LYPD6B: variants seen among roughly 807,000 people sequenced by gnomAD.
LYPD6B encodes ly6/PLAUR domain-containing protein 6B.
Under a neutral mutation model 22.8 loss-of-function variants are expected in LYPD6B, and 17 were observed. The observed-to-expected ratio is 0.75, with a 90% CI of 0.51 to 1.12. The LOEUF is 1.12. LYPD6B is among the 50% of genes most tolerant of loss of function. The pLI is 0.00. For missense variants in LYPD6B, 221 were observed against 258.3 expected, an observed-to-expected ratio of 0.86 and a Z score of 0.99; for synonymous variants, 106 against 91.6, an observed-to-expected ratio of 1.16 and a Z score of -0.90.
chr2:149,178,323 T>C (rs1691465413), intron 3 of LYPD6B, among the ~76,000 whole-genome samples: 2 of 152,234 alleles, frequency 1.3e-5, no homozygotes, highest in African/African-American at 4.8e-5. Context: ...GTTTTCATCT[T>C]TTAGAAATTT....
chr2:149,168,275 C>T (rs1260801028), intron 3 of LYPD6B, among the ~76,000 whole-genome samples: 1 of 149,266 alleles, frequency 6.7e-6, no homozygotes, highest in African/African-American at 2.5e-5. Context: ...GGAAGAGGAG[C>T]TGGGGATGGT....
chr2:149,049,291 C>A (rs1394644619), intron 1 of LYPD6B, among the ~76,000 whole-genome samples: 4 of 152,228 alleles, frequency 2.6e-5, no homozygotes, highest in African/African-American at 9.6e-5. Flanking sequence ...GTGTAACTCA[C>A]TACCTTGCAA....
intron 1 of LYPD6B, among the ~76,000 whole-genome samples, chr2:149,086,764 A>G (rs1685415188): frequency 6.6e-6 from 1 of 152,188 alleles, no homozygotes; most frequent in Non-Finnish European, 1.5e-5. Flanking sequence ...AGGTGATGGC[A>G]GGGTCGGTTT....
At chr2:149,073,785 T>G (rs1684755162) in intron 1 of LYPD6B, among the ~76,000 whole-genome samples, 2 of 151,932 alleles carry the variant, frequency 1.3e-5, no homozygotes, top group South Asian at 4.2e-4. Context: ...CAGCCTGGAT[T>G]TGCCTGTCTC....
chr2:149,066,155 G>C (rs1684316531), intron 1 of LYPD6B, among the ~76,000 whole-genome samples: 1 of 149,614 alleles, frequency 6.7e-6, no homozygotes, highest in African/African-American at 2.5e-5. Flanking sequence ...ACCATTATTT[G>C]TTTCCTTTTT....
chr2:149,132,566 A>G (rs922856581), intron 2 of LYPD6B, among the ~76,000 whole-genome samples: 3 of 151,978 alleles, frequency 2.0e-5, no homozygotes, highest in Admixed American at 6.6e-5. Flanking sequence ...ATTGGCAGCT[A>G]CACACCGAGA....
At chr2:149,201,706 C>A (rs1450388198) in intron 3 of LYPD6B, among the ~76,000 whole-genome samples, 2 of 152,186 alleles carry the variant, frequency 1.3e-5, no homozygotes, top group African/African-American at 4.8e-5. Context: ...TTAGTACTTT[C>A]CTCACTTGAC....
intron 3 of LYPD6B, chr2:149,187,633 T>C (rs1692209689): frequency 5.0e-6 from 5 of 999,146 alleles, no homozygotes; most frequent in Non-Finnish European, 6.8e-6. Context: ...TTTAGTAACT[T>C]AAGCAGGCTT....
chr2:149,199,474 G>A (rs902074967), intron 3 of LYPD6B, among the ~76,000 whole-genome samples: 1 of 152,154 alleles, frequency 6.6e-6, no homozygotes, highest in Non-Finnish European at 1.5e-5. Flanking sequence ...ACAGTACCTG[G>A]TACAAATGCA....
At chr2:149,121,075 A>T (rs186414277) in intron 1 of LYPD6B, among the ~76,000 whole-genome samples, 1 of 152,246 alleles carries the variant, frequency 6.6e-6, no homozygotes, top group African/African-American at 2.4e-5. Context: ...TACAGGTATG[A>T]GCGACCCCGC....
At chr2:149,147,558 G>C (rs565486871) in intron 2 of LYPD6B, among the ~76,000 whole-genome samples, 1 of 152,120 alleles carries the variant, frequency 6.6e-6, no homozygotes, top group Non-Finnish European at 1.5e-5. Context: ...CTGTCACACA[G>C]GCTGGAGTGC....
At position 149,058,148 on chromosome 2, in the gene LYPD6B, T is replaced by C. The variant is rs147295640; in HGVS notation, c.-67+19347T>C. On this transcript the variant is annotated intron_variant, in intron 1 of 6. Transcript: ENST00000409642. Reference sequence around the variant, plus strand: ...TGAGTTGCCTTGGCCCTCTGAACCATAGTTTTCATATCTGCAAAATGCAGG... The same window carrying C: ...TGAGTTGCCTTGGCCCTCTGAACCACAGTTTTCATATCTGCAAAATGCAGG... Among the ~76,000 whole-genome samples the C allele has an allele frequency of 9.3e-3, 1,410 of 152,290 alleles. 25 individuals carry two copies. Among genetic ancestry groups the C allele is most frequent in the African/African-American group, 0.031 (1,307 of 41,558 alleles).
At chr2:149,066,445 G>A (rs1020634584) in intron 1 of LYPD6B, among the ~76,000 whole-genome samples, 6 of 151,284 alleles carry the variant, frequency 4.0e-5, no homozygotes, top group African/African-American at 1.5e-4. Context: ...TTTGTCCTTG[G>A]GATAGTTTGC....
intron 1 of LYPD6B, among the ~76,000 whole-genome samples, chr2:149,066,045 A>G (rs1684311824): frequency 1.3e-5 from 2 of 152,222 alleles, no homozygotes; most frequent in South Asian, 4.2e-4. Flanking sequence ...ATAGGCTGCT[A>G]GTTCATGGGC....
intron 1 of LYPD6B, among the ~76,000 whole-genome samples, chr2:149,093,781 T>C (rs1032640565): frequency 9.9e-5 from 15 of 152,262 alleles, no homozygotes; most frequent in African/African-American, 3.4e-4. Flanking sequence ...CTTATTCAGC[T>C]CTTATCTTTG....
intron 3 of LYPD6B, among the ~76,000 whole-genome samples, chr2:149,203,096 C>T (rs1439190353): frequency 5.3e-5 from 8 of 152,134 alleles, no homozygotes; most frequent in East Asian, 1.9e-4. Context: ...CGCGTGCAAA[C>T]TATGTGCTTA....
chr2:149,200,961 G>A lies in LYPD6B; in HGVS notation c.78-4292G>A, dbSNP rs1693111703. Among the ~76,000 whole-genome samples, 3 of 152,204 alleles carry A rather than the reference G, an allele frequency of 2.0e-5. No individual in the cohort carries two copies. The South Asian group carries it at 6.2e-4, about 32-fold the overall frequency. ...TCAGTACCATAGGTGAGGGATTTCT[G>A]ACCAGGCCTACTATGTAGGAAAGAT... On this transcript the variant is annotated intron_variant, in intron 3 of 6. Coordinates refer to ENST00000409642, the MANE Select transcript of LYPD6B (RefSeq NM_177964.5).
chr2:149,188,725 CAGAGAGG>C, intron 3 of LYPD6B: 1 of 975,194 alleles, frequency 1.0e-6, no homozygotes, highest in Non-Finnish European at 1.2e-6. Flanking sequence ...CGCCTGGCTC[CAGAGAGG>C]TAGTTTTAAA....
chr2:149,175,744 C>G (rs1691250017), intron 3 of LYPD6B, among the ~76,000 whole-genome samples: 1 of 123,600 alleles, frequency 8.1e-6, no homozygotes, highest in East Asian at 2.3e-4. Flanking sequence ...ACTTTTTAAA[C>G]TTTTGTCTTA....
Sources: gnomAD v4.1 joint callset for allele counts (sites outside exome capture counted in the v4.1 genomes callset) on GRCh38, gnomAD v4.1.1 for gene constraint, MANE v1.5 for transcripts, NCBI Gene and HGNC (gene_info 2026-07-23, HGNC 2026-07-21) for gene names.